The following NRG1 variants were observed in gnomAD, a reference collection of about 807,000 sequenced individuals.
NRG1 encodes the protein pro-neuregulin-1, membrane-bound isoform.
In NRG1, 18 loss-of-function variants were observed where a neutral mutation model predicts 63.8. The observed-to-expected ratio is 0.28, with a 90% CI of 0.19 to 0.42. The LOEUF (loss-of-function observed/expected upper bound fraction) is 0.42, where lower values mean the gene tolerates loss of function less well. Ranked by LOEUF, NRG1 falls within the 10% of genes least tolerant of loss-of-function variation. The probability of loss-of-function intolerance (pLI) is 1.00; values close to 1 mark genes in which losing one functional copy is unlikely to be tolerated. For synonymous variants in NRG1, 302 were observed against 301.3 expected (o/e 1.00, Z -0.02); for missense variants, 762 against 814.7 (o/e 0.94, Z 0.79).
At chr8:31,833,504 G>A (rs1407016034) in intron 1 of NRG1, among the ~76,000 whole-genome samples, 4 of 152,152 alleles carry the variant, frequency 2.6e-5, no homozygotes, top group Admixed American at 2.0e-4. Context: ...ATAGAACTGG[G>A]AATTCCTCCA....
intron 5 of NRG1, among the ~76,000 whole-genome samples, chr8:32,703,156 T>C (rs948311565): frequency 6.6e-6 from 1 of 152,108 alleles, no homozygotes; most frequent in African/African-American, 2.4e-5. Context: ...GAAATAATAT[T>C]TGAAGACCAC....
At chr8:32,397,761 C>A (rs911042192) in intron 1 of NRG1, among the ~76,000 whole-genome samples, 4 of 152,198 alleles carry the variant, frequency 2.6e-5, no homozygotes, top group Non-Finnish European at 5.9e-5. Context: ...CCAGCACTCA[C>A]CTCAGTGATA....
chr8:32,390,157 C>T (rs369782645), intron 1 of NRG1, among the ~76,000 whole-genome samples: 8 of 152,264 alleles, frequency 5.3e-5, no homozygotes, highest in East Asian at 1.9e-4. Flanking sequence ...TCTTAAAAGA[C>T]GCCATGTTCT....
At chr8:32,185,489 G>T (rs116168517) in intron 1 of NRG1, among the ~76,000 whole-genome samples, 1,546 of 152,268 alleles carry the variant, frequency 0.01, 26 homozygotes, top group African/African-American at 0.036. Flanking sequence ...TGAGAATAAG[G>T]TTACGATAGC....
At chr8:32,387,021 T>C (rs1005943354) in intron 1 of NRG1, among the ~76,000 whole-genome samples, 6 of 152,202 alleles carry the variant, frequency 3.9e-5, no homozygotes, top group African/African-American at 1.4e-4. Context: ...GAATATGGCC[T>C]GAACAGTTGT....
At chr8:32,598,842 T>G (rs1049974540) in intron 2 of NRG1, among the ~76,000 whole-genome samples, 1 of 152,128 alleles carries the variant, frequency 6.6e-6, no homozygotes, top group Non-Finnish European at 1.5e-5. Flanking sequence ...AGGTTCCAAC[T>G]GAATCTCAAT....
chr8:32,019,305 A>T (rs4733283), intron 1 of NRG1, among the ~76,000 whole-genome samples: 5,914 of 152,210 alleles, frequency 0.039, 220 homozygotes, highest in Admixed American at 0.11. Flanking sequence ...TCACCATGTT[A>T]GCCAGGATGG....
intron 1 of NRG1, among the ~76,000 whole-genome samples, chr8:32,216,057 T>G (rs1352409513): frequency 1.3e-5 from 2 of 150,756 alleles, no homozygotes; most frequent in South Asian, 2.1e-4. Flanking sequence ...AAAAGAAAAA[T>G]AAAGGTAGGG....
At position 32,742,971 on chromosome 8, in the gene NRG1, T is replaced by C; in HGVS notation, c.691+238T>C. 2 of 1,349,610 alleles carry C rather than the reference T, an allele frequency of 1.5e-6. No individual in the cohort carries two copies. Among genetic ancestry groups the C allele is most frequent in the Non-Finnish European group, 1.9e-6 (2 of 1,046,426 alleles). The allele number at this position is 1,349,610 out of a possible 1,614,324, so 83.6% of individuals were successfully genotyped here. On this transcript the variant is annotated intron_variant, in intron 7 of 11. Transcript: ENST00000356819. The surrounding 1 kb of genome is among the most constrained non-coding windows in gnomAD (Gnocchi z 4.2). ...AGGTGTGTGAGGCTCCGGATGTTTC[T>C]GGAATTGATATTGAATGATGTGATA...
intron 1 of NRG1, among the ~76,000 whole-genome samples, chr8:31,715,942 A>G (rs1173562342): frequency 1.3e-5 from 2 of 152,236 alleles, no homozygotes; most frequent in Non-Finnish European, 2.9e-5. Context: ...TTTTAAATAC[A>G]TAGTTTCAAG....
At chr8:32,302,551 G>A (rs1320157051) in intron 1 of NRG1, among the ~76,000 whole-genome samples, 1 of 145,770 alleles carries the variant, frequency 6.9e-6, no homozygotes, top group Non-Finnish European at 1.5e-5. Context: ...TTTTTTCTTT[G>A]ACTATTGACT....
intron 1 of NRG1, among the ~76,000 whole-genome samples, chr8:31,938,555 A>G (rs930577470): frequency 3.9e-5 from 6 of 152,190 alleles, no homozygotes; most frequent in Admixed American, 3.9e-4. Flanking sequence ...CCAAACCAAG[A>G]TGAAATCTGA....
chr8:32,554,806 G>C (rs1588265355), intron 1 of NRG1, among the ~76,000 whole-genome samples: 1 of 152,310 alleles, frequency 6.6e-6, no homozygotes, highest in East Asian at 1.9e-4. Context: ...TAAGAGCAGA[G>C]ATGATCAGAA....
chr8:32,582,019 G>A (rs1047795238), intron 1 of NRG1, among the ~76,000 whole-genome samples: 1 of 148,544 alleles, frequency 6.7e-6, no homozygotes, highest in South Asian at 2.1e-4. Context: ...GTCACTGAGG[G>A]TGAAAGTTGC....
intron 1 of NRG1, among the ~76,000 whole-genome samples, chr8:32,427,062 AG>A (rs887308190): frequency 9.9e-5 from 15 of 152,092 alleles, no homozygotes; most frequent in Non-Finnish European, 2.1e-4. Context: ...AAACAGCCCG[AG>A]TAGCTGTTCT....
At position 32,103,271 on chromosome 8, in the gene NRG1, G is replaced by A. The variant is rs185407447; in HGVS notation, c.37+463840G>A. Among the ~76,000 whole-genome samples the A allele has an allele frequency of 5.9e-5, 9 of 152,190 alleles. No homozygotes were observed. In the East Asian group the frequency reaches 1.7e-3, roughly 29 times the overall value. ...TTTGATTTTTACATTCAGTAAATGA[G>A]TAAGAATACACAATGTTTGTCTTTC... On this transcript the variant is annotated intron_variant, in intron 1 of 10. Coordinates refer to the NRG1 transcript ENST00000519301.
chr8:32,266,367 T>C (rs1850934712), intron 1 of NRG1, among the ~76,000 whole-genome samples: 1 of 152,208 alleles, frequency 6.6e-6, no homozygotes, highest in Non-Finnish European at 1.5e-5. Flanking sequence ...TAATCCTTTA[T>C]TTAACAAGAT....
At chr8:32,719,956 G>A (rs996714894) in intron 5 of NRG1, among the ~76,000 whole-genome samples, 1 of 151,894 alleles carries the variant, frequency 6.6e-6, no homozygotes, top group African/African-American at 2.4e-5. Flanking sequence ...TTTCATCAAA[G>A]GTTGATTCGG....
chr8:32,048,555 A>G (rs949885401), intron 1 of NRG1, among the ~76,000 whole-genome samples: 4 of 150,256 alleles, frequency 2.7e-5, no homozygotes, highest in Admixed American at 1.3e-4. Flanking sequence ...GCTGTTTTCC[A>G]TAATGGTTAC....
Sources: allele counts gnomAD v4.1 joint callset (sites outside exome capture counted in the v4.1 genomes callset), GRCh38; gene constraint gnomAD v4.1.1; non-coding constraint Gnocchi (gnomAD v3.1); transcripts MANE v1.5; gene names NCBI Gene and HGNC (gene_info 2026-07-23, HGNC 2026-07-21).